Variants in USP36 observed in about 807,000 individuals in gnomAD.
USP36 encodes ubiquitin carboxyl-terminal hydrolase 36.
USP36 carries 59 observed loss-of-function variants against 111.5 expected under a neutral mutation model. The ratio of observed to expected loss-of-function variants is 0.53; its 90% CI spans 0.43 to 0.66. USP36 has a LOEUF of 0.66. Among genes scored for constraint, USP36 ranks in the 30% least tolerant of loss-of-function variants. USP36 has a pLI of 0.00. For synonymous variants in USP36, 628 were observed against 581.0 expected, an observed-to-expected ratio of 1.08 and a Z score of -1.16; for missense variants, 1,488 against 1,468.0, an observed-to-expected ratio of 1.01 and a Z score of -0.22.
rs568356132 is a variant in USP36 at position 78,822,151 on chromosome 17, T to C, written c.690-147A>G. The stretch of plus-strand genomic sequence containing the variant: ...CCCCACCCGAGTCACCACAGACCCT[T>C]AACCTCCATCCTCAGCCCACGCTGC... On this transcript the variant is annotated intron_variant, in intron 6 of 20. Transcript: ENST00000449938. The C allele has an allele frequency of 3.6e-5, 31 of 857,548 alleles. No individual in the cohort carries two copies. In the East Asian group the frequency reaches 7.9e-4, roughly 22 times the overall value. The allele number at this position is 857,548 out of a possible 1,614,324, so 53.1% of individuals were successfully genotyped here.
chr17:78,824,799 G>A (rs186125504), intron 6 of USP36, among the ~76,000 whole-genome samples: 120 of 152,202 alleles, frequency 7.9e-4, no homozygotes, highest in South Asian at 2.9e-3. Context: ...TCTTAAGAAC[G>A]CCTCTAAGAA....
At position 78,803,234 on chromosome 17, in the gene USP36, G is replaced by T; in HGVS notation, c.2810+151C>A. On this transcript the variant is annotated intron_variant, in intron 16 of 20. Coordinates refer to ENST00000449938, the MANE Select transcript of USP36 (RefSeq NM_001385174.1). The surrounding 1 kb of genome is among the most constrained non-coding windows in gnomAD (Gnocchi z 4.6). ...TTACAGGTGTGAGCCACCACACCCA[G>T]CCAGAGGAGACATCTGATCACAAAT... The T allele has an allele frequency of 1.2e-6, 1 of 855,222 alleles. No homozygotes were observed. The highest frequency in any genetic ancestry group is 1.8e-6 in the Non-Finnish European group (1 of 562,246). The allele number at this position is 855,222 out of a possible 1,614,324, so 53.0% of individuals were successfully genotyped here.
intron 10 of USP36, among the ~76,000 whole-genome samples, chr17:78,815,077 T>G (rs1244389248): frequency 6.6e-6 from 1 of 152,196 alleles, no homozygotes; most frequent in Non-Finnish European, 1.5e-5. Context: ...CTCACGCCTG[T>G]AATCCCAGCA....
At chr17:78,808,381 G>A (rs770101304) in intron 13 of USP36, among the ~76,000 whole-genome samples, 10 of 152,076 alleles carry the variant, frequency 6.6e-5, no homozygotes, top group Non-Finnish European at 1.2e-4. Flanking sequence ...TGCCCAACTG[G>A]CTAGGACTAT....
intron 18 of USP36, 35 bp downstream of exon 18, chr17:78,799,632 A>C (rs1279585211): frequency 1.2e-6 from 2 of 1,601,260 alleles, no homozygotes; most frequent in African/African-American, 2.7e-5. Context: ...CCAACCAATG[A>C]AAGGCAAACA....
intron 10 of USP36, among the ~76,000 whole-genome samples, chr17:78,817,641 C>T (rs1328015576): frequency 6.6e-6 from 1 of 151,560 alleles, no homozygotes; most frequent in Non-Finnish European, 1.5e-5. Context: ...TTAATCCCAA[C>T]TACTCTGGAG....
At chr17:78,821,420 A>ATATAT (rs1192213715) in intron 7 of USP36, 22 of 34,554 alleles carry the variant, frequency 6.4e-4, no homozygotes, top group Non-Finnish European at 7.8e-4. Flanking sequence ...ATATATATAT[A>ATATAT]TTTTTTTTTT....
intron 10 of USP36, among the ~76,000 whole-genome samples, chr17:78,815,844 CACACAT>C (rs1215346459): frequency 0.059 from 9,006 of 152,132 alleles, 857 homozygotes; most frequent in African/African-American, 0.2. Context: ...TACATACACA[CACACAT>C]ATGCATGCAT....
chr17:78,812,287 C>T (rs1488314543), intron 13 of USP36, among the ~76,000 whole-genome samples: 4 of 152,198 alleles, frequency 2.6e-5, no homozygotes, highest in Non-Finnish European at 4.4e-5. Flanking sequence ...TGGTGCTGGT[C>T]TCATGAGTAG....
intron 4 of USP36, among the ~76,000 whole-genome samples, chr17:78,831,812 G>A (rs1045320512): frequency 6.6e-6 from 1 of 151,784 alleles, no homozygotes; most frequent in Admixed American, 6.6e-5. Flanking sequence ...AGCTGGGCAT[G>A]GTGCTATGAG....
intron 14 of USP36, 22 bp downstream of exon 14, chr17:78,806,937 G>A (rs554608025): frequency 9.9e-6 from 16 of 1,610,804 alleles, no homozygotes; most frequent in East Asian, 4.5e-5. Flanking sequence ...ACACAGCAGC[G>A]GCGAGACCCC....
intron 13 of USP36, among the ~76,000 whole-genome samples, chr17:78,810,282 C>A (rs1470084986): frequency 2.0e-5 from 3 of 152,060 alleles, no homozygotes; most frequent in African/African-American, 7.2e-5. Context: ...CTATGTTGCC[C>A]AGGCTACTTT....
chr17:78,812,543 T>C (rs538822376), intron 13 of USP36, among the ~76,000 whole-genome samples: 3 of 151,378 alleles, frequency 2.0e-5, no homozygotes, highest in Non-Finnish European at 4.4e-5. Context: ...CAAAAAAAAT[T>C]AGCCGGGCGT....
chr17:78,829,298 C>A (rs2067862496), intron 4 of USP36, among the ~76,000 whole-genome samples: 1 of 152,186 alleles, frequency 6.6e-6, no homozygotes, highest in Admixed American at 6.5e-5. Context: ...TGTGCATGAT[C>A]CTTTTCAGAT....
At position 78,807,500 on chromosome 17, in the gene USP36, G is replaced by T. The variant is rs200160079; in HGVS notation, c.1544C>A (p.Ser515Tyr). Residue 515 changes from serine to tyrosine, a missense_variant, in exon 14 of 21, where the codon TCC (serine) becomes TAC (tyrosine). Coordinates refer to ENST00000449938, the MANE Select transcript of USP36 (RefSeq NM_001385174.1). ...IPPKLPSGSP[S>Y]PKLSQTPTHM... ...TGTGGGTGTCTGGGAGAGTTTGGGG[G>T]AAGGGGACCCCGAGGGCAGCTTTGG... is the stretch of plus-strand genomic sequence containing the variant. 55 of 1,613,894 alleles carry T rather than the reference G, an allele frequency of 3.4e-5. 1 individual carries two copies. The highest frequency in any genetic ancestry group is 2.2e-5 in the East Asian group (1 of 44,894).
rs2094254569 is a variant in USP36 at position 78,819,016 on chromosome 17, G to A, written c.912-238C>T. 1.2e-5 allele frequency: 5 copies of A among 403,678 alleles called. No individual in the cohort carries two copies. In the East Asian group the frequency reaches 2.0e-4, roughly 16 times the overall value. 25.0% of individuals were successfully genotyped at this position (403,678 alleles called of 1,614,324 possible). On this transcript the variant is annotated intron_variant, in intron 9 of 20. Transcript: ENST00000449938. Reference sequence around the variant, plus strand: ...AAGATTCTAAAGCAAAAAAATAAAAGTACTGTACCCACCAGGAAACTAAAT... The same window carrying A: ...AAGATTCTAAAGCAAAAAAATAAAAATACTGTACCCACCAGGAAACTAAAT...
In USP36 at chr17:78,803,444, C is replaced by T. The variant is rs2093806960; in HGVS notation, c.2751G>A (p.Arg917=). 1 of 1,614,032 alleles carries T rather than the reference C, an allele frequency of 6.2e-7. No individual in the cohort carries two copies. The highest frequency in any genetic ancestry group is 1.1e-5 in the South Asian group (1 of 91,092). Residue 917 remains arginine, a synonymous_variant, in exon 16 of 21, where the codon AGG becomes AGA. Transcript: ENST00000449938. The surrounding 1 kb of genome is among the most constrained non-coding windows in gnomAD (Gnocchi z 4.6). ...GHHASSRKRR[R]KGAEGLGEEG... ...CTTCACCAAGACCTTCTGCTCCTTT[C>T]CTCCTCCGCTTCCTGCTGCTCGCGT... is the stretch of plus-strand genomic sequence containing the variant.
At chr17:78,804,290 C>A (rs970963055) in intron 15 of USP36, among the ~76,000 whole-genome samples, 2 of 151,874 alleles carry the variant, frequency 1.3e-5, no homozygotes, top group Admixed American at 1.3e-4. Flanking sequence ...GGTGAAACCC[C>A]ATCTCTACTA....
Position 78,807,137 on chromosome 17 carries a change from T to C in USP36, c.1907A>G (p.His636Arg), listed in dbSNP as rs775098038. The change falls in exon 14 of 21, where the codon CAT becomes CGT. Residue 636 changes from histidine (H) to arginine (R), a missense_variant. By Grantham distance (29) the His-to-Arg change is conservative (BLOSUM62 0). Transcript: ENST00000449938. Reference protein sequence around the residue: ...APQTPRSGAAHLCDSQETNCS... With the variant: ...APQTPRSGAARLCDSQETNCS... ...GTTCGTTTCCTGAGAATCGCAGAGATGGGCCGCTCCACTCCTGGGGGTCTG... is the reference window on the plus strand; with the variant it reads ...GTTCGTTTCCTGAGAATCGCAGAGACGGGCCGCTCCACTCCTGGGGGTCTG... 5.6e-6 allele frequency: 9 copies of C among 1,614,198 alleles called. No homozygotes were observed. Among genetic ancestry groups the C allele is most frequent in the South Asian group, 2.2e-5 (2 of 91,080 alleles).
Sources: allele counts gnomAD v4.1 joint callset (sites outside exome capture counted in the v4.1 genomes callset), GRCh38; gene constraint gnomAD v4.1.1; non-coding constraint Gnocchi (gnomAD v3.1); transcripts MANE v1.5; gene names NCBI Gene and HGNC (gene_info 2026-07-23, HGNC 2026-07-21).